Variants in ERCC8 observed in about 807,000 individuals in gnomAD.
The protein encoded by ERCC8 is ERCC excision repair 8, CSA ubiquitin ligase complex subunit, also known as DNA excision repair protein ERCC-8.
Under a neutral mutation model 54.9 loss-of-function variants are expected in ERCC8, and 52 were observed. That is an observed-to-expected ratio of 0.95 (90% CI 0.76 to 1.19). The LOEUF is 1.19. ERCC8 is among the 50% of genes most tolerant of loss of function. The pLI, the probability that ERCC8 is intolerant of heterozygous loss-of-function variation, is 0.00. For missense variants in ERCC8, 514 were observed against 466.1 expected (o/e 1.10, Z -0.95); for synonymous variants, 146 against 157.2 (o/e 0.93, Z 0.53).
chr5:60,904,349 A>G (rs1002209428), intron 5 of ERCC8, among the ~76,000 whole-genome samples: 1 of 151,924 alleles, frequency 6.6e-6, no homozygotes, highest in Non-Finnish European at 1.5e-5. Flanking sequence ...TCTTCCTTAT[A>G]TATGAAGATG....
intron 4 of ERCC8, chr5:60,917,985 T>C: frequency 2.4e-6 from 1 of 410,912 alleles, no homozygotes; most frequent in Non-Finnish European, 4.6e-6. Context: ...CTAGGTACTT[T>C]ACATATTTTG....
intron 1 of ERCC8, among the ~76,000 whole-genome samples, chr5:60,941,973 T>C (rs1463031999): frequency 1.3e-5 from 2 of 152,144 alleles, no homozygotes; most frequent in Non-Finnish European, 2.9e-5. Flanking sequence ...AATATATATA[T>C]GGTGCAGGGG....
Position 60,898,416 on chromosome 5 carries a change from T to C in ERCC8, c.719-16A>G, listed in dbSNP as rs1011921715. On this transcript the variant is annotated splice_polypyrimidine_tract_variant and intron_variant, in intron 8 of 11. Transcript: ENST00000676185. ...GCAGTGTTTGCTGCAATGAAAAACATAGTTCAGTTTATCTGTTCTTGTATT... is the reference window on the plus strand; with the variant it reads ...GCAGTGTTTGCTGCAATGAAAAACACAGTTCAGTTTATCTGTTCTTGTATT... 8 of 1,612,972 alleles carry C rather than the reference T, an allele frequency of 5.0e-6. No homozygotes were observed. Among genetic ancestry groups the C allele is most frequent in the South Asian group, 1.1e-5 (1 of 91,048 alleles).
In ERCC8 at chr5:60,868,347, G is replaced by A. The variant is rs1465567181; in HGVS notation, c.*6268C>T. On this transcript the variant is annotated 3_prime_UTR_variant, in exon 12 of 12. Coordinates refer to ENST00000676185, the MANE Select transcript of ERCC8 (RefSeq NM_000082.4). ...CTAGACCTCAGAAGAGCATGAACTC[G>A]GAGAGCGGTTATCAATCCACTAGCA... Among the ~76,000 whole-genome samples the A allele has an allele frequency of 2.6e-5, 4 of 152,138 alleles. No homozygotes were observed. The highest frequency in any genetic ancestry group is 6.5e-5 in the Admixed American group (1 of 15,280).
chr5:60,916,931 A>G (rs1749453251), intron 4 of ERCC8, among the ~76,000 whole-genome samples: 1 of 152,084 alleles, frequency 6.6e-6, no homozygotes, highest in South Asian at 2.1e-4. Context: ...ATCTAGAACA[A>G]CAAATAAGAC....
At chr5:60,911,098 C>T (rs1204646695) in intron 4 of ERCC8, among the ~76,000 whole-genome samples, 1 of 151,968 alleles carries the variant, frequency 6.6e-6, no homozygotes, top group Non-Finnish European at 1.5e-5. Flanking sequence ...TTCTAGGGTA[C>T]ATGTGACAAC....
At chr5:60,930,196 G>C (rs1267989088) in intron 1 of ERCC8, among the ~76,000 whole-genome samples, 2 of 152,130 alleles carry the variant, frequency 1.3e-5, no homozygotes, top group African/African-American at 4.8e-5. Flanking sequence ...CTGGGAGGCT[G>C]AGGTGGGCGG....
At chr5:60,941,282 T>C (rs1561520703) in intron 1 of ERCC8, among the ~76,000 whole-genome samples, 4 of 152,214 alleles carry the variant, frequency 2.6e-5, no homozygotes. Context: ...AATATAAAAT[T>C]ATTTTAACTT....
intron 7 of ERCC8, among the ~76,000 whole-genome samples, chr5:60,900,146 T>C (rs1416585327): frequency 1.3e-5 from 2 of 152,150 alleles, no homozygotes; most frequent in African/African-American, 4.8e-5. Flanking sequence ...CCATTTGGTA[T>C]GATTTGGTGT....
chr5:60,903,046 A>G (rs998952909), intron 6 of ERCC8, among the ~76,000 whole-genome samples: 1 of 151,914 alleles, frequency 6.6e-6, no homozygotes, highest in Non-Finnish European at 1.5e-5. Flanking sequence ...TGCCCAGCTT[A>G]TATTAATAAA....
intron 1 of ERCC8, among the ~76,000 whole-genome samples, chr5:60,937,389 C>G (rs1222562287): frequency 6.6e-6 from 1 of 152,126 alleles, no homozygotes; most frequent in African/African-American, 2.4e-5. Context: ...CTTCAGCTAC[C>G]AGGGCAGGTA....
At chr5:60,880,479 C>G (rs1300759970) in intron 11 of ERCC8, among the ~76,000 whole-genome samples, 1 of 152,182 alleles carries the variant, frequency 6.6e-6, no homozygotes, top group East Asian at 1.9e-4. Flanking sequence ...TGGTTCCATT[C>G]TCCCCGTCAC....
At chr5:60,899,931 A>C (rs1379134709) in intron 7 of ERCC8, among the ~76,000 whole-genome samples, 1 of 152,058 alleles carries the variant, frequency 6.6e-6, no homozygotes, top group Non-Finnish European at 1.5e-5. Context: ...TAGCAAAAAA[A>C]AAAAGTAACC....
intron 2 of ERCC8, among the ~76,000 whole-genome samples, chr5:60,925,260 G>A (rs576401713): frequency 1.2e-3 from 190 of 152,168 alleles, no homozygotes; most frequent in Non-Finnish European, 1.9e-3. Flanking sequence ...TACTTTCAGA[G>A]ATTTCCTGTT....
At chr5:60,884,078 A>T (rs925259533) in intron 11 of ERCC8, among the ~76,000 whole-genome samples, 11 of 152,212 alleles carry the variant, frequency 7.2e-5, no homozygotes, top group African/African-American at 2.7e-4. Flanking sequence ...CCTAAGAATA[A>T]CTTTGATTAG....
At chr5:60,927,665 C>T (rs1341208575) in intron 2 of ERCC8, among the ~76,000 whole-genome samples, 2 of 152,184 alleles carry the variant, frequency 1.3e-5, no homozygotes, top group Non-Finnish European at 2.9e-5. Context: ...GTATTGATTA[C>T]TTTCCTGACC....
rs1241890016 is a variant in ERCC8, at chr5:60,873,447, G to A, written c.*1168C>T. Among the ~76,000 whole-genome samples, 1 of 152,152 alleles carries A rather than the reference G, an allele frequency of 6.6e-6. No individual in the cohort carries two copies. Among genetic ancestry groups the A allele is most frequent in the Non-Finnish European group, 1.5e-5 (1 of 68,028 alleles). On this transcript the variant is annotated 3_prime_UTR_variant, in exon 12 of 12. Transcript: ENST00000676185. ...TCCAGCACTTTGAGAGGCCGAGGCG[G>A]GTGGATCATTTGAGGTCAGCAGTTC... is the stretch of plus-strand genomic sequence containing the variant.
At chr5:60,889,004 C>T (rs911044940) in intron 10 of ERCC8, among the ~76,000 whole-genome samples, 23 of 152,204 alleles carry the variant, frequency 1.5e-4, no homozygotes, top group African/African-American at 5.5e-4. Flanking sequence ...GTTCTTCAGT[C>T]TCTTTGGCTT....
At chr5:60,918,160 C>T in intron 4 of ERCC8, 105 bp downstream of exon 4, 1 of 911,588 alleles carries the variant, frequency 1.1e-6, no homozygotes, top group South Asian at 1.3e-5. Context: ...ACTGCTTTCA[C>T]ATCTAACATA....
Sources: gnomAD v4.1 joint callset for allele counts (sites outside exome capture counted in the v4.1 genomes callset) on GRCh38, gnomAD v4.1.1 for gene constraint, MANE v1.5 for transcripts, NCBI Gene and HGNC (gene_info 2026-07-23, HGNC 2026-07-21) for gene names.